Variants in LPAR3 observed in about 807,000 individuals in gnomAD.
LPAR3 encodes lysophosphatidic acid receptor 3.
A neutral mutation model predicts 17.8 loss-of-function variants in LPAR3; 7 were observed. The observed-to-expected ratio is 0.39, with a 90% CI of 0.22 to 0.74. The LOEUF (loss-of-function observed/expected upper bound fraction) is 0.74. LPAR3 is among the 30% of genes least tolerant of loss of function. LPAR3 has a pLI of 0.40. For synonymous variants in LPAR3, 179 were observed against 179.9 expected (o/e 0.99, Z 0.04); for missense variants, 391 against 453.4 (o/e 0.86, Z 1.25).
intron 2 of LPAR3, among the ~76,000 whole-genome samples, chr1:84,837,917 A>C (rs1161278434): frequency 6.6e-6 from 1 of 152,214 alleles, no homozygotes; most frequent in Admixed American, 6.5e-5. Context: ...TGGTATCCTT[A>C]GATTATACAT....
chr1:84,846,523 C>A (rs997241524), intron 2 of LPAR3, among the ~76,000 whole-genome samples: 3 of 152,110 alleles, frequency 2.0e-5, no homozygotes, highest in Non-Finnish European at 4.4e-5. Flanking sequence ...TTATGACTTT[C>A]CACATGAAGC....
intron 2 of LPAR3, among the ~76,000 whole-genome samples, chr1:84,863,130 C>A (rs539458910): frequency 2.0e-4 from 30 of 151,320 alleles, no homozygotes; most frequent in African/African-American, 7.0e-4. Context: ...GGCTGGAGTG[C>A]CGTGGTGTGA....
chr1:84,845,770 A>T (rs1345201188), intron 2 of LPAR3, among the ~76,000 whole-genome samples: 2 of 152,218 alleles, frequency 1.3e-5, no homozygotes, highest in Non-Finnish European at 2.9e-5. Context: ...TGATAAACTC[A>T]ACATGTATTT....
Position 84,812,494 on chromosome 1 carries a change from G to A in LPAR3, c.*1352C>T, listed in dbSNP as rs1557585619. On this transcript the variant is annotated 3_prime_UTR_variant, in exon 3 of 3. Transcript: ENST00000370611. The stretch of plus-strand genomic sequence containing the variant: ...CACCCAGACTAGAGTGCAGTGCTGC[G>A]ATCTTGGCTCACTCTGCAACCTCCA... The A allele has an allele frequency of 7.7e-6, 1 of 130,112 alleles. No individual in the cohort carries two copies. The highest frequency in any genetic ancestry group is 1.5e-5 in the Non-Finnish European group (1 of 65,282). 8.1% of individuals were successfully genotyped at this position (130,112 alleles called of 1,614,324 possible).
intron 2 of LPAR3, among the ~76,000 whole-genome samples, chr1:84,833,758 AG>A (rs1659339464): frequency 1.3e-5 from 2 of 152,322 alleles, no homozygotes; most frequent in South Asian, 4.1e-4. Context: ...ACCCAGCTGC[AG>A]GGGTGGCTGT....
rs1658846828 is a variant in LPAR3 at position 84,813,126 on chromosome 1, A to AATAGATATAT, written c.*719_*720insATATATCTAT. 1 of 71,598 alleles carries AATAGATATAT rather than the reference A, an allele frequency of 1.4e-5. No homozygotes were observed. The highest frequency in any genetic ancestry group is 2.4e-5 in the Non-Finnish European group (1 of 41,302). The allele number at this position is 71,598 out of a possible 1,614,324, so 4.4% of individuals were successfully genotyped here. ...ATCAATAAAAATCAGTAAAAACAGG[A>AATAGATATAT]ATATATATATATATATATATATATA... On this transcript the variant is annotated 3_prime_UTR_variant, in exon 3 of 3. Transcript: ENST00000370611.
At chr1:84,854,805 G>T (rs1214744833) in intron 2 of LPAR3, among the ~76,000 whole-genome samples, 1 of 152,224 alleles carries the variant, frequency 6.6e-6, no homozygotes, top group African/African-American at 2.4e-5. Context: ...TGTCACTCAG[G>T]CATCCAAGGA....
intron 2 of LPAR3, among the ~76,000 whole-genome samples, chr1:84,864,333 C>T (rs1047716827): frequency 2.6e-5 from 4 of 152,134 alleles, no homozygotes; most frequent in African/African-American, 9.7e-5. Flanking sequence ...CCAGGGGTTG[C>T]AAATTTCTTT....
chr1:84,868,555 G>A (rs114856802), intron 1 of LPAR3, among the ~76,000 whole-genome samples: 1,801 of 152,250 alleles, frequency 0.012, 20 homozygotes, highest in East Asian at 0.018. Context: ...CAAACAATCC[G>A]AGAATCACTT....
intron 2 of LPAR3, among the ~76,000 whole-genome samples, chr1:84,828,218 G>C (rs1047155611): frequency 2.6e-5 from 4 of 151,974 alleles, no homozygotes; most frequent in African/African-American, 9.7e-5. Context: ...AGTGTACCCT[G>C]ATAATTCTTA....
chr1:84,883,620 A>G (rs1000436108), intron 1 of LPAR3, among the ~76,000 whole-genome samples: 1 of 152,164 alleles, frequency 6.6e-6, no homozygotes, highest in Non-Finnish European at 1.5e-5. Context: ...CCACAGTGAG[A>G]TGGGCAGTTC....
chr1:84,842,006 A>G (rs1290464377), intron 2 of LPAR3, among the ~76,000 whole-genome samples: 2 of 152,204 alleles, frequency 1.3e-5, no homozygotes, highest in East Asian at 1.9e-4. Context: ...CAGAAAAAAA[A>G]AAGTTTGTAG....
intron 2 of LPAR3, among the ~76,000 whole-genome samples, chr1:84,841,247 C>T (rs1659497649): frequency 6.6e-6 from 1 of 152,174 alleles, no homozygotes; most frequent in South Asian, 2.1e-4. Context: ...TAAAACACAG[C>T]ATAATCATGA....
At chr1:84,822,081 T>G (rs1324261194) in intron 2 of LPAR3, among the ~76,000 whole-genome samples, 1 of 152,120 alleles carries the variant, frequency 6.6e-6, no homozygotes. Flanking sequence ...TTAATAAATA[T>G]TTACTAAGCA....
intron 2 of LPAR3, among the ~76,000 whole-genome samples, chr1:84,856,246 A>G (rs1396651236): frequency 6.6e-6 from 1 of 152,166 alleles, no homozygotes; most frequent in Non-Finnish European, 1.5e-5. Context: ...CCCGGACTCA[A>G]TGTACTGAGT....
At chr1:84,882,044 T>C (rs1660375647) in intron 1 of LPAR3, among the ~76,000 whole-genome samples, 1 of 152,094 alleles carries the variant, frequency 6.6e-6, no homozygotes, top group Admixed American at 6.6e-5. Flanking sequence ...AGTAAAATTA[T>C]CTCCGTTCAT....
chr1:84,843,094 A>G (rs1659536003), intron 2 of LPAR3, among the ~76,000 whole-genome samples: 1 of 152,196 alleles, frequency 6.6e-6, no homozygotes, highest in South Asian at 2.1e-4. Flanking sequence ...TTAAAAGTCA[A>G]TCAAGCCTGG....
intron 2 of LPAR3, among the ~76,000 whole-genome samples, chr1:84,843,265 G>T (rs972357395): frequency 5.3e-5 from 8 of 152,290 alleles, no homozygotes; most frequent in African/African-American, 1.9e-4. Context: ...CTGCTCTCAG[G>T]CCAATACTGG....
At chr1:84,832,471 G>C (rs888906799) in intron 2 of LPAR3, among the ~76,000 whole-genome samples, 1 of 152,114 alleles carries the variant, frequency 6.6e-6, no homozygotes, top group Non-Finnish European at 1.5e-5. Context: ...GAATGAGTCA[G>C]GAACTTAGAG....
Sources: gnomAD v4.1 joint callset for allele counts (sites outside exome capture counted in the v4.1 genomes callset) on GRCh38, gnomAD v4.1.1 for gene constraint, MANE v1.5 for transcripts, NCBI Gene and HGNC (gene_info 2026-07-23, HGNC 2026-07-21) for gene names.